The following FAM13C variants were observed in gnomAD, a reference collection of about 807,000 sequenced individuals.
FAM13C encodes family with sequence similarity 13 member C, also known as protein FAM13C.
Under a neutral mutation model 73.2 loss-of-function variants are expected in FAM13C, and 37 were observed. The observed-to-expected ratio is 0.51, with a 90% CI of 0.39 to 0.67. The LOEUF is 0.67. Ranked by LOEUF, FAM13C falls within the 30% of genes least tolerant of loss-of-function variation. The pLI, the probability that FAM13C is intolerant of heterozygous loss-of-function variation, is 0.00. For synonymous variants in FAM13C, 246 were observed against 260.9 expected (o/e 0.94, Z 0.55); for missense variants, 589 against 715.6 (o/e 0.82, Z 2.02).
At position 59,287,485 on chromosome 10, in the gene FAM13C, T is replaced by A. The variant is rs1054361472; in HGVS notation, c.508-4038A>T. Among the ~76,000 whole-genome samples, 21 of 152,128 alleles carry A rather than the reference T, an allele frequency of 1.4e-4. 1 individual carries two copies. The highest frequency in any genetic ancestry group is 3.9e-4 in the Admixed American group (6 of 15,266). On this transcript the variant is annotated intron_variant, in intron 5 of 13. Transcript: ENST00000618804. The stretch of plus-strand genomic sequence containing the variant: ...ACTTTACCTTTCATTCTTTTTTTTT[T>A]AATTGTAGAACCAGCTGCCTGTCTC...
intron 4 of FAM13C, among the ~76,000 whole-genome samples, chr10:59,322,947 A>G (rs1850520580): frequency 6.6e-6 from 1 of 152,194 alleles, no homozygotes; most frequent in Non-Finnish European, 1.5e-5. Flanking sequence ...GAGGGTTATA[A>G]AAGGTGCCCA....
At chr10:59,275,179 A>C (rs1383697406) in intron 6 of FAM13C, among the ~76,000 whole-genome samples, 1 of 152,224 alleles carries the variant, frequency 6.6e-6, no homozygotes, top group African/African-American at 2.4e-5. Context: ...CCACTGAAGG[A>C]AATTCCAACC....
At chr10:59,317,566 A>T (rs757186752) in intron 4 of FAM13C, among the ~76,000 whole-genome samples, 1 of 152,084 alleles carries the variant, frequency 6.6e-6, no homozygotes, top group Non-Finnish European at 1.5e-5. Flanking sequence ...AAATTTGTTC[A>T]ATTTAGCCAT....
intron 3 of FAM13C, among the ~76,000 whole-genome samples, chr10:59,347,948 T>C (rs1854532206): frequency 1.3e-5 from 2 of 152,196 alleles, no homozygotes; most frequent in Admixed American, 1.3e-4. Context: ...TTCAGTTGGT[T>C]CCAAGTCTTT....
At chr10:59,275,719 T>C (rs1326941948) in intron 6 of FAM13C, among the ~76,000 whole-genome samples, 2 of 152,228 alleles carry the variant, frequency 1.3e-5, no homozygotes, top group Non-Finnish European at 2.9e-5. Flanking sequence ...ATACCACTTA[T>C]TGGCAGTTGT....
At chr10:59,308,672 C>T (rs1227845003) in intron 4 of FAM13C, among the ~76,000 whole-genome samples, 2 of 143,940 alleles carry the variant, frequency 1.4e-5, no homozygotes, top group Non-Finnish European at 3.1e-5. Context: ...AAAAATACTT[C>T]TCAACAGAGA....
chr10:59,277,210 G>A (rs1043912116), intron 6 of FAM13C, among the ~76,000 whole-genome samples: 2 of 152,072 alleles, frequency 1.3e-5, no homozygotes, highest in African/African-American at 4.8e-5. Context: ...ATCAGGTGTG[G>A]GATTTGGGGA....
At chr10:59,347,587 T>C (rs1347287429) in intron 3 of FAM13C, among the ~76,000 whole-genome samples, 1 of 152,120 alleles carries the variant, frequency 6.6e-6, no homozygotes, top group Non-Finnish European at 1.5e-5. Flanking sequence ...TGCAATTTTG[T>C]TACATAGATA....
intron 3 of FAM13C, among the ~76,000 whole-genome samples, chr10:59,344,754 G>A (rs1854071611): frequency 6.6e-6 from 1 of 152,148 alleles, no homozygotes; most frequent in Non-Finnish European, 1.5e-5. Flanking sequence ...AGTAGCAGAA[G>A]GAATTTGAAC....
chr10:59,309,183 CT>C (rs1848642265), intron 4 of FAM13C, among the ~76,000 whole-genome samples: 1 of 152,100 alleles, frequency 6.6e-6, no homozygotes, highest in South Asian at 2.1e-4. Flanking sequence ...TAACAAGCCT[CT>C]CAATTTCTTA....
intron 5 of FAM13C, among the ~76,000 whole-genome samples, chr10:59,286,029 A>G (rs1845514481): frequency 6.6e-6 from 1 of 152,226 alleles, no homozygotes; most frequent in Non-Finnish European, 1.5e-5. Flanking sequence ...CCATGAGCGG[A>G]TGAATGGATA....
chr10:59,278,210 T>A lies in FAM13C; in HGVS notation c.592+5153A>T, dbSNP rs1240931464. Among the ~76,000 whole-genome samples, 3 of 152,088 alleles carry A rather than the reference T, an allele frequency of 2.0e-5. No individual in the cohort carries two copies. In the East Asian group the frequency reaches 5.8e-4, roughly 29 times the overall value. ...ATTCAATTACCTCCCACCAGGTCCC[T>A]CCCACAACACATGGGAATTCAAGAT... On this transcript the variant is annotated intron_variant, in intron 6 of 13. Coordinates refer to ENST00000618804, the MANE Select transcript of FAM13C (RefSeq NM_198215.4).
chr10:59,260,707 G>A (rs1271252481), intron 10 of FAM13C, among the ~76,000 whole-genome samples: 4 of 152,050 alleles, frequency 2.6e-5, no homozygotes, highest in Non-Finnish European at 4.4e-5. Flanking sequence ...TGAACTACAT[G>A]AGGGCATTGA....
chr10:59,269,510 T>C (rs1843458215), intron 7 of FAM13C, among the ~76,000 whole-genome samples: 1 of 152,088 alleles, frequency 6.6e-6, no homozygotes, highest in Non-Finnish European at 1.5e-5. Flanking sequence ...ACAAGAAATG[T>C]AGATGGACAG....
At chr10:59,257,308 G>A (rs1032025218) in intron 10 of FAM13C, among the ~76,000 whole-genome samples, 4 of 152,192 alleles carry the variant, frequency 2.6e-5, no homozygotes, top group Non-Finnish European at 5.9e-5. Context: ...CTTTCCAAGA[G>A]ACATAACTGC....
At chr10:59,328,392 T>C (rs914699811) in intron 3 of FAM13C, among the ~76,000 whole-genome samples, 2 of 152,244 alleles carry the variant, frequency 1.3e-5, no homozygotes, top group Non-Finnish European at 2.9e-5. Context: ...CTGACTCTTG[T>C]AGCACTTGAG....
intron 11 of FAM13C, 39 bp downstream of exon 11, chr10:59,254,309 A>G (rs556859494): frequency 5.2e-6 from 7 of 1,354,930 alleles, no homozygotes; most frequent in Admixed American, 2.0e-5. Context: ...TTAACTACAC[A>G]TCAGTACAAA....
intron 3 of FAM13C, among the ~76,000 whole-genome samples, chr10:59,326,599 A>C (rs555157395): frequency 3.9e-5 from 6 of 152,310 alleles, no homozygotes; most frequent in Admixed American, 6.5e-5. Flanking sequence ...AGAGATCCTT[A>C]TGATCTTGGA....
At chr10:59,322,627 A>C (rs895084635) in intron 4 of FAM13C, among the ~76,000 whole-genome samples, 3 of 152,208 alleles carry the variant, frequency 2.0e-5, no homozygotes, top group Non-Finnish European at 2.9e-5. Context: ...CCCCTACAGG[A>C]CCACCATACA....
Sources: gnomAD v4.1 joint callset for allele counts (sites outside exome capture counted in the v4.1 genomes callset) on GRCh38, gnomAD v4.1.1 for gene constraint, MANE v1.5 for transcripts, NCBI Gene and HGNC (gene_info 2026-07-23, HGNC 2026-07-21) for gene names.